The following BICC1 variants were observed in gnomAD, a reference collection of about 807,000 sequenced individuals.
BICC1 encodes the protein BicC family RNA binding protein 1, also known as protein bicaudal C homolog 1.
In BICC1, 43 loss-of-function variants were observed where a neutral mutation model predicts 111.0. The ratio of observed to expected loss-of-function variants is 0.39; its 90% CI spans 0.30 to 0.50. The LOEUF is 0.50. Ranked by LOEUF, BICC1 falls within the 20% of genes least tolerant of loss-of-function variation. BICC1 has a pLI of 0.88. For synonymous variants in BICC1, 467 were observed against 434.4 expected (o/e 1.07, Z -0.93); for missense variants, 1,091 against 1,203.2 (o/e 0.91, Z 1.38).
At chr10:58,670,725 G>A (rs1480138540) in intron 2 of BICC1, among the ~76,000 whole-genome samples, 2 of 152,114 alleles carry the variant, frequency 1.3e-5, no homozygotes, top group African/African-American at 4.8e-5. Flanking sequence ...ATCATCAAAT[G>A]GAAATACCTA....
At chr10:58,525,736 G>A (rs1342364515) in intron 1 of BICC1, among the ~76,000 whole-genome samples, 1 of 151,520 alleles carries the variant, frequency 6.6e-6, no homozygotes, top group Non-Finnish European at 1.5e-5. Flanking sequence ...AGCAATACAA[G>A]GAAGCTTTTT....
At chr10:58,557,180 T>C (rs1366032003) in intron 1 of BICC1, among the ~76,000 whole-genome samples, 1 of 152,124 alleles carries the variant, frequency 6.6e-6, no homozygotes, top group Non-Finnish European at 1.5e-5. Context: ...TAAAATTGCT[T>C]TTAAGATGTT....
intron 2 of BICC1, among the ~76,000 whole-genome samples, chr10:58,694,737 C>G (rs1217926354): frequency 1.3e-5 from 2 of 152,098 alleles, no homozygotes; most frequent in East Asian, 3.9e-4. Flanking sequence ...GGTGGGGACA[C>G]TAATCTAGTT....
intron 2 of BICC1, among the ~76,000 whole-genome samples, chr10:58,646,107 T>C (rs1276056636): frequency 6.6e-6 from 1 of 152,048 alleles, no homozygotes; most frequent in Admixed American, 6.6e-5. Context: ...CATAGATCTG[T>C]CCATTTCCTT....
Position 58,788,358 on chromosome 10 carries a change from C to T in BICC1, c.547-12C>T. 6.3e-7 allele frequency: 1 copy of T among 1,592,720 alleles called. No homozygotes were observed. The highest frequency in any genetic ancestry group is 8.6e-7 in the Non-Finnish European group (1 of 1,162,692). On this transcript the variant is annotated splice_polypyrimidine_tract_variant and intron_variant, in intron 5 of 20. Coordinates refer to ENST00000373886, the MANE Select transcript of BICC1 (RefSeq NM_001080512.3). ...AAAATAAATCTAACTTTGTATTTTC[C>T]TCCTCTTATAGGTATCTATAGCGGG...
At chr10:58,570,733 G>A (rs1843922655) in intron 1 of BICC1, among the ~76,000 whole-genome samples, 1 of 152,142 alleles carries the variant, frequency 6.6e-6, no homozygotes, top group Admixed American at 6.6e-5. Flanking sequence ...GGTCAGGGAA[G>A]TTATGTGCAA....
At chr10:58,792,864 G>A (rs1455780243) in intron 8 of BICC1, among the ~76,000 whole-genome samples, 1 of 151,820 alleles carries the variant, frequency 6.6e-6, no homozygotes, top group Non-Finnish European at 1.5e-5. Flanking sequence ...CCCTCCCCTG[G>A]TCCATGAAAA....
rs1839138012 is a variant in BICC1, at chr10:58,670,147, G to T, written c.238-31927G>T. 2.0e-5 allele frequency among the ~76,000 whole-genome samples: 3 copies of T among 151,972 alleles called. No homozygotes were observed. In the South Asian group the frequency reaches 6.2e-4, roughly 32 times the overall value. On this transcript the variant is annotated intron_variant, in intron 2 of 20. Transcript: ENST00000373886. ...TCTAAAATTATTTTTAAAAATATTT[G>T]CTTTATCACATATCCAATCTTCTAT...
chr10:58,769,942 A>G (rs906532237), intron 3 of BICC1, among the ~76,000 whole-genome samples: 2 of 152,156 alleles, frequency 1.3e-5, no homozygotes, highest in Non-Finnish European at 2.9e-5. Flanking sequence ...GAAAAGCGTA[A>G]AAGTAGTGCT....
intron 1 of BICC1, 79 bp downstream of exon 1, chr10:58,513,412 G>T: frequency 1.5e-6 from 2 of 1,336,178 alleles, no homozygotes; most frequent in East Asian, 3.0e-5. Context: ...GCGCTCCGGC[G>T]CCCGCTACTC....
At chr10:58,766,444 C>T (rs995682916) in intron 3 of BICC1, among the ~76,000 whole-genome samples, 5 of 152,250 alleles carry the variant, frequency 3.3e-5, no homozygotes, top group Middle Eastern at 3.4e-3. Flanking sequence ...GAAAAGCATA[C>T]ACTTTTTTAT....
chr10:58,716,168 C>T (rs1411929795), intron 3 of BICC1: 126 of 1,499,714 alleles, frequency 8.4e-5, no homozygotes, highest in Non-Finnish European at 1.1e-4. Context: ...GAGGTGCGAG[C>T]AAAAAAGAAG....
Position 58,800,206 on chromosome 10 carries a change from A to C in BICC1, c.1738A>C (p.Lys580Gln). ...ATTATTATTTTAGTCTCCAGATATAAAATATGGTGCAATATCCACTTCATC... is the reference window on the plus strand; with the variant it reads ...ATTATTATTTTAGTCTCCAGATATACAATATGGTGCAATATCCACTTCATC... Reference protein sequence around the residue: ...LNGHAQSPDIKYGAISTSSLG... With the variant: ...LNGHAQSPDIQYGAISTSSLG... Residue 580 changes from lysine to glutamine, a missense_variant, in exon 13 of 21, where the codon AAA becomes CAA. Physicochemically the swap from Lys to Gln is moderately conservative, Grantham distance 53. Around this residue, in one of 3 missense-constraint regions of BICC1, gnomAD observed 843 missense variants for 900.8 expected, o/e 0.94. Coordinates refer to ENST00000373886, the MANE Select transcript of BICC1 (RefSeq NM_001080512.3). 1 of 1,601,366 alleles carries C rather than the reference A, an allele frequency of 6.2e-7. No individual in the cohort carries two copies. The highest frequency in any genetic ancestry group is 8.5e-7 in the Non-Finnish European group (1 of 1,169,758).
intron 1 of BICC1, among the ~76,000 whole-genome samples, chr10:58,612,398 T>C (rs970913447): frequency 2.0e-5 from 3 of 152,230 alleles, no homozygotes; most frequent in Admixed American, 2.0e-4. Context: ...ACATACAGTT[T>C]TCTGGAAACA....
chr10:58,711,023 A>T (rs1053546446), intron 3 of BICC1, among the ~76,000 whole-genome samples: 1 of 151,772 alleles, frequency 6.6e-6, no homozygotes, highest in African/African-American at 2.4e-5. Flanking sequence ...TAATGTTTAA[A>T]TTTTTGTGGA....
intron 1 of BICC1, among the ~76,000 whole-genome samples, chr10:58,531,055 A>G (rs767628866): frequency 5.9e-5 from 9 of 151,902 alleles, no homozygotes; most frequent in African/African-American, 1.2e-4. Flanking sequence ...ACCACAGCTA[A>G]TGATGAGGAA....
intron 1 of BICC1, among the ~76,000 whole-genome samples, chr10:58,549,691 C>CT (rs1287240375): frequency 0.02 from 2,318 of 115,264 alleles, 39 homozygotes; most frequent in African/African-American, 0.061. Flanking sequence ...TTGTTTTTTT[C>CT]TTTTTTTTTT....
chr10:58,676,955 G>A (rs763906098), intron 2 of BICC1, among the ~76,000 whole-genome samples: 3 of 152,156 alleles, frequency 2.0e-5, no homozygotes, highest in South Asian at 2.1e-4. Flanking sequence ...TGCAGAAGAG[G>A]GGCCTGACTA....
chr10:58,527,444 A>T (rs3001716), intron 1 of BICC1, among the ~76,000 whole-genome samples: 151,247 of 152,326 alleles, frequency 0.99, 75,092 homozygotes, highest in South Asian at 1. Context: ...CATTTGTCAA[A>T]TTTGGCTTTT....
Sources: allele counts gnomAD v4.1 joint callset (sites outside exome capture counted in the v4.1 genomes callset), GRCh38; gene constraint gnomAD v4.1.1; regional missense constraint gnomAD v4.1.1; transcripts MANE v1.5; gene names NCBI Gene and HGNC (gene_info 2026-07-23, HGNC 2026-07-21).